FBXL17: variants seen among roughly 807,000 people sequenced by gnomAD.
The protein encoded by FBXL17 is F-box/LRR-repeat protein 17.
FBXL17 carries 22 observed loss-of-function variants against 66.2 expected under a neutral mutation model. That is an observed-to-expected ratio of 0.33 (90% CI 0.24 to 0.47). The LOEUF (loss-of-function observed/expected upper bound fraction) is 0.47. Among genes scored for constraint, FBXL17 ranks in the 20% least tolerant of loss-of-function variants. The pLI is 1.00. For synonymous variants in FBXL17, 474 were observed against 400.5 expected (o/e 1.18, Z -2.19); for missense variants, 878 against 948.2 (o/e 0.93, Z 0.97).
At chr5:108,336,554 C>G (rs913729726) in intron 4 of FBXL17, among the ~76,000 whole-genome samples, 3 of 151,852 alleles carry the variant, frequency 2.0e-5, no homozygotes, top group South Asian at 4.2e-4. Context: ...GATGTACAAC[C>G]ATGTGAATGA....
intron 6 of FBXL17, among the ~76,000 whole-genome samples, chr5:108,166,622 G>A (rs40070): frequency 0.23 from 34,676 of 151,968 alleles, 4,489 homozygotes; most frequent in East Asian, 0.53. Context: ...AAAAAACATG[G>A]TAAAAAGATG....
At chr5:108,127,560 T>C (rs555022214) in intron 6 of FBXL17, among the ~76,000 whole-genome samples, 2 of 152,218 alleles carry the variant, frequency 1.3e-5, no homozygotes, top group African/African-American at 4.8e-5. Flanking sequence ...ATGCTTATAT[T>C]AAAAAGATGA....
At chr5:108,279,553 GAA>G (rs74272808) in intron 4 of FBXL17, among the ~76,000 whole-genome samples, 3 of 137,960 alleles carry the variant, frequency 2.2e-5, no homozygotes, top group Non-Finnish European at 4.7e-5. Flanking sequence ...ACATCTTCAG[GAA>G]AAAAAAAAAA....
chr5:107,982,880 T>C (rs1044856923), intron 7 of FBXL17, among the ~76,000 whole-genome samples: 1 of 152,192 alleles, frequency 6.6e-6, no homozygotes, highest in African/African-American at 2.4e-5. Flanking sequence ...TTCCTGGCTC[T>C]GACTACAGTG....
chr5:108,324,786 A>C (rs1242189460), intron 4 of FBXL17, among the ~76,000 whole-genome samples: 2 of 152,080 alleles, frequency 1.3e-5, no homozygotes, highest in African/African-American at 2.4e-5. Context: ...ACACAATGTA[A>C]TATTACTCAG....
At chr5:108,333,148 G>GCA (rs1760209674) in intron 4 of FBXL17, among the ~76,000 whole-genome samples, 1 of 136,570 alleles carries the variant, frequency 7.3e-6, no homozygotes, top group Non-Finnish European at 1.5e-5. Flanking sequence ...AGAAATACCA[G>GCA]TATATATATA....
intron 2 of FBXL17, among the ~76,000 whole-genome samples, chr5:108,366,995 G>A (rs1167138605): frequency 6.6e-6 from 1 of 151,962 alleles, no homozygotes; most frequent in Non-Finnish European, 1.5e-5. Context: ...GCTTGACACT[G>A]GTCATGGTGG....
At chr5:108,310,773 T>G (rs1759076332) in intron 4 of FBXL17, among the ~76,000 whole-genome samples, 1 of 152,182 alleles carries the variant, frequency 6.6e-6, no homozygotes, top group South Asian at 2.1e-4. Context: ...TAATATGGAA[T>G]GTAAGTTTCT....
intron 4 of FBXL17, among the ~76,000 whole-genome samples, chr5:108,327,163 T>C (rs949274095): frequency 2.0e-5 from 3 of 152,206 alleles, no homozygotes; most frequent in African/African-American, 7.2e-5. Flanking sequence ...TAAACTATGA[T>C]ATACATACAA....
chr5:108,121,746 AG>A (rs1257377650), intron 6 of FBXL17, among the ~76,000 whole-genome samples: 2 of 152,064 alleles, frequency 1.3e-5, no homozygotes, highest in African/African-American at 4.8e-5. Flanking sequence ...TTTAGTAGAG[AG>A]GGGGTTTCAC....
chr5:108,009,282 T>TATAGATAG (rs1754075636), intron 7 of FBXL17, among the ~76,000 whole-genome samples: 1 of 54,796 alleles, frequency 1.8e-5, no homozygotes, highest in Non-Finnish European at 3.0e-5. Context: ...TATATATATA[T>TATAGATAG]ATATATATAT....
intron 7 of FBXL17, among the ~76,000 whole-genome samples, chr5:107,891,357 G>A (rs1385462962): frequency 2.0e-5 from 3 of 152,078 alleles, no homozygotes; most frequent in Non-Finnish European, 2.9e-5. Flanking sequence ...AATGGGAAGC[G>A]ACTGAAATAT....
intron 4 of FBXL17, among the ~76,000 whole-genome samples, chr5:108,334,090 T>A (rs941254990): frequency 6.6e-6 from 1 of 152,160 alleles, no homozygotes; most frequent in African/African-American, 2.4e-5. Context: ...TATATAGTGA[T>A]AACAAAGTCA....
At chr5:108,184,465 C>T (rs1224034610) in intron 6 of FBXL17, among the ~76,000 whole-genome samples, 2 of 151,990 alleles carry the variant, frequency 1.3e-5, no homozygotes, top group Non-Finnish European at 2.9e-5. Context: ...TGCCACAAGG[C>T]CTGGCTAATT....
intron 4 of FBXL17, among the ~76,000 whole-genome samples, chr5:108,279,594 A>G (rs1580735729): frequency 6.6e-6 from 1 of 152,078 alleles, no homozygotes; most frequent in African/African-American, 2.4e-5. Flanking sequence ...AAGAAGCACA[A>G]TAATTCTCTA....
At chr5:107,995,874 C>G (rs1183277685) in intron 7 of FBXL17, among the ~76,000 whole-genome samples, 1 of 152,038 alleles carries the variant, frequency 6.6e-6, no homozygotes, top group Non-Finnish European at 1.5e-5. Context: ...TGGAAAAATA[C>G]AGTCATGGAA....
At chr5:107,902,969 G>A (rs946524730) in intron 7 of FBXL17, among the ~76,000 whole-genome samples, 8 of 152,118 alleles carry the variant, frequency 5.3e-5, no homozygotes, top group Non-Finnish European at 1.0e-4. Flanking sequence ...GAAGAGAATA[G>A]AAATTTTGTG....
chr5:107,973,899 T>A (rs1752481361), intron 7 of FBXL17, among the ~76,000 whole-genome samples: 1 of 151,308 alleles, frequency 6.6e-6, no homozygotes, highest in South Asian at 2.1e-4. Flanking sequence ...TTAGACAAAA[T>A]CTTATTTAGT....
intron 6 of FBXL17, among the ~76,000 whole-genome samples, chr5:108,098,936 G>A (rs1177908460): frequency 1.3e-5 from 2 of 151,914 alleles, no homozygotes; most frequent in African/African-American, 2.4e-5. Context: ...GCATTCTTCA[G>A]AGAATATAAG....
Sources: gnomAD v4.1 joint callset for allele counts (sites outside exome capture counted in the v4.1 genomes callset) on GRCh38, gnomAD v4.1.1 for gene constraint, MANE v1.5 for transcripts, NCBI Gene and HGNC (gene_info 2026-07-23, HGNC 2026-07-21) for gene names.